Variants in PHKA1 observed in about 807,000 individuals in gnomAD.
The protein encoded by PHKA1 is phosphorylase b kinase regulatory subunit alpha, skeletal muscle isoform.
Under a neutral mutation model 110.2 loss-of-function variants are expected in PHKA1, and 60 were observed. That is an observed-to-expected ratio of 0.54 (90% CI 0.44 to 0.68). The LOEUF (loss-of-function observed/expected upper bound fraction) is 0.68. Ranked by LOEUF, PHKA1 falls within the 30% of genes least tolerant of loss-of-function variation. The pLI, the probability that PHKA1 is intolerant of heterozygous loss-of-function variation, is 0.00. For synonymous variants in PHKA1, 316 were observed against 333.6 expected, an observed-to-expected ratio of 0.95 and a Z score of 0.58; for missense variants, 801 against 942.5, an observed-to-expected ratio of 0.85 and a Z score of 1.97.
chrX:72,704,587 G>T (rs376260536), intron 3 of PHKA1, among the ~76,000 whole-genome samples: 11 of 110,494 alleles, frequency 1.0e-4, no homozygotes, highest in Admixed American at 3.9e-4. Flanking sequence ...GTGTGTGTGT[G>T]TGTGTGCATT....
chrX:72,655,292 A>G (rs1386893811), intron 10 of PHKA1, among the ~76,000 whole-genome samples: 2 of 111,747 alleles, frequency 1.8e-5, no homozygotes, highest in Non-Finnish European at 1.9e-5. Context: ...ATATGCCTAT[A>G]GTCCCAGTGA....
At chrX:72,658,209 C>T (rs1489493362) in intron 8 of PHKA1, among the ~76,000 whole-genome samples, 6 of 111,335 alleles carry the variant, frequency 5.4e-5, no homozygotes, top group Admixed American at 9.5e-5. Flanking sequence ...CCTGTAACCC[C>T]AGCACTTTGG....
rs797027929 is a variant in PHKA1, at chrX:72,598,977, T to C, written c.3072+3014A>G. On this transcript the variant is annotated intron_variant, in intron 28 of 31. Transcript: ENST00000373542. ...TGCCATTTAATTATCTTCATTGTCTTGTTTATACCACCAAGATCCTAGGCT... is the reference window on the plus strand; with the variant it reads ...TGCCATTTAATTATCTTCATTGTCTCGTTTATACCACCAAGATCCTAGGCT... Among the ~76,000 whole-genome samples the C allele has an allele frequency of 2.7e-5, 3 of 111,404 alleles. No individual in the cohort carries two copies. The South Asian group carries it at 1.2e-3, about 43-fold the overall frequency.
At position 72,613,521 on chromosome X, in the gene PHKA1, T is replaced by C. The variant is rs139071808; in HGVS notation, c.2370-2337A>G. On this transcript the variant is annotated intron_variant, in intron 21 of 31. Transcript: ENST00000373542. The stretch of plus-strand genomic sequence containing the variant: ...TTTGTACTTAAAAATTTTTGAACCA[T>C]AGGAATATATCTATTCAATATATTA... Among the ~76,000 whole-genome samples the C allele has an allele frequency of 3.1e-3, 343 of 111,025 alleles. 1 individual carries two copies. The highest frequency in any genetic ancestry group is 0.011 in the African/African-American group (324 of 30,600).
rs1276996791 is a variant in PHKA1, at chrX:72,579,983, C to G, written c.*1019G>C. 9.0e-6 allele frequency: 1 copy of G among 111,558 alleles called. No individual in the cohort carries two copies. The highest frequency in any genetic ancestry group is 3.3e-5 in the African/African-American group (1 of 30,675). The allele number at this position is 111,558 out of a possible 1,213,427, so 9.2% of individuals were successfully genotyped here. A position where few individuals can be genotyped will look rare whatever the true frequency, so the allele number is the denominator to read the frequency against. On this transcript the variant is annotated 3_prime_UTR_variant, in exon 32 of 32. Coordinates refer to ENST00000373542, the MANE Select transcript of PHKA1 (RefSeq NM_002637.4). ...ATGAAAAGAATGCTAAGTAGAGCAC[C>G]TATAGACTGGACTGCTGTATTTATC...
intron 25 of PHKA1, 47 bp downstream of exon 25, chrX:72,605,224 T>G (rs1482289189): frequency 2.7e-6 from 3 of 1,103,324 alleles, no homozygotes; most frequent in Non-Finnish European, 2.5e-6. Context: ...CTCTATAAAC[T>G]TACATCAAAA....
rs1556335355 is a variant in PHKA1, at chrX:72,712,899, C to T, written c.117G>A (p.Gln39=). ...CATTATCTCGGACCCAAGCATCTTT[C>T]TGATCATAGCTGGCTGGAAGCAAGC... is the stretch of plus-strand genomic sequence containing the variant. ...VTGLLPASYD[Q]KDAWVRDNVY... is the part of the protein sequence containing the mutation. Residue 39 remains glutamine (Q), a synonymous_variant, in exon 2 of 32, where the codon CAG becomes CAA. Coordinates refer to ENST00000373542, the MANE Select transcript of PHKA1 (RefSeq NM_002637.4). 8.3e-7 allele frequency: 1 copy of T among 1,211,533 alleles called. No homozygotes were observed. The highest frequency in any genetic ancestry group is 3.0e-5 in the East Asian group (1 of 33,829).
chrX:72,680,709 G>A (rs2053840509), intron 5 of PHKA1, among the ~76,000 whole-genome samples: 1 of 103,666 alleles, frequency 9.6e-6, no homozygotes. Flanking sequence ...GGCCCCAGCT[G>A]CAGATATGAA....
At position 72,676,131 on chromosome X, in the gene PHKA1, C is replaced by T. The variant is rs553900468; in HGVS notation, c.557G>A (p.Arg186His). The T allele has an allele frequency of 1.7e-6, 2 of 1,207,114 alleles. No homozygotes were observed. Among genetic ancestry groups the T allele is most frequent in the Non-Finnish European group, 1.1e-6 (1 of 891,776 alleles). Residue 186 changes from arginine to histidine, a missense_variant, in exon 6 of 32, where the codon CGT becomes CAT. Around this residue, in one of 2 missense-constraint regions of PHKA1, gnomAD observed 299 missense variants for 423.3 expected, o/e 0.71. Transcript: ENST00000373542. ...GATCCCTTGGTTGGTCTTGTCTCCA[C>T]GTTCCCATATCCCGAAGTCCTGGCA... ...YKTADFGIWE[R>H]GDKTNQGISE...
At chrX:72,711,947 T>C (rs1603277760) in intron 2 of PHKA1, 1 of 111,238 alleles carries the variant, frequency 9.0e-6, no homozygotes. Context: ...ATCAATATTC[T>C]GATTTATAGA....
chrX:72,688,385 C>A lies in PHKA1; in HGVS notation c.455-3805G>T, dbSNP rs185325810. 7.2e-4 allele frequency among the ~76,000 whole-genome samples: 81 copies of A among 112,092 alleles called. 1 individual carries two copies. Among genetic ancestry groups the A allele is most frequent in the African/African-American group, 2.2e-3 (68 of 30,884 alleles). On this transcript the variant is annotated intron_variant, in intron 4 of 31. Transcript: ENST00000373542. ...AGATGATAGTGACATGGGACATCAG[C>A]TTCATAGCTTTATCTTGTCATCTTT... is the stretch of plus-strand genomic sequence containing the variant.
chrX:72,668,444 A>G (rs2053639550), intron 6 of PHKA1, among the ~76,000 whole-genome samples: 1 of 112,362 alleles, frequency 8.9e-6, no homozygotes, highest in Non-Finnish European at 1.9e-5. Context: ...ACCTTCCTTA[A>G]TGCAAACAAT....
At chrX:72,663,066 T>C (rs1202201353) in intron 8 of PHKA1, among the ~76,000 whole-genome samples, 2 of 110,831 alleles carry the variant, frequency 1.8e-5, no homozygotes, top group African/African-American at 3.3e-5. Flanking sequence ...AAAGGAAATT[T>C]ATGAAATGTT....
rs141088097 is a variant in PHKA1, at chrX:72,704,262, T to G, written c.285+936A>C. On this transcript the variant is annotated intron_variant, in intron 3 of 31. Coordinates refer to ENST00000373542, the MANE Select transcript of PHKA1 (RefSeq NM_002637.4). ...CTCCAATCTTAAAATCTGAAACACTTTGAAAAGGCTTTTCCCCTAAATTTT... is the reference window on the plus strand; with the variant it reads ...CTCCAATCTTAAAATCTGAAACACTGTGAAAAGGCTTTTCCCCTAAATTTT... Among the ~76,000 whole-genome samples, 336 of 111,975 alleles carry G rather than the reference T, an allele frequency of 3.0e-3. 1 individual carries two copies. Among genetic ancestry groups the G allele is most frequent in the African/African-American group, 0.011 (326 of 30,859 alleles).
chrX:72,582,745 T>C, intron 30 of PHKA1, 147 bp from the exon 31 acceptor site: 1 of 509,952 alleles, frequency 2.0e-6, no homozygotes, highest in Admixed American at 2.8e-5. Flanking sequence ...ACTGCTTCAA[T>C]CTTTTTGGAG....
intron 8 of PHKA1, among the ~76,000 whole-genome samples, chrX:72,663,777 C>A (rs2053588128): frequency 1.9e-5 from 2 of 107,391 alleles, no homozygotes; most frequent in Non-Finnish European, 3.8e-5. Context: ...AACACTATAC[C>A]CAGAATTAGA....
At chrX:72,655,199 A>G (rs2053477876) in intron 10 of PHKA1, among the ~76,000 whole-genome samples, 1 of 112,467 alleles carries the variant, frequency 8.9e-6, no homozygotes, top group South Asian at 3.7e-4. Context: ...GCTTGAGCCC[A>G]GGAGTTTGAG....
At position 72,584,295 on chromosome X, in the gene PHKA1, C is replaced by T; in HGVS notation, c.3251G>A (p.Gly1084Glu). Reference protein sequence around the residue: ...KVWKVLQKCHGLSVEGFVLPS... With the variant: ...KVWKVLQKCHELSVEGFVLPS... ...AAGGACAAACCCTTCAACAGAAAGT[C>T]CGTGACACTGCAAAACAGAAAAAAA... The change falls in exon 30 of 32, where the codon GGA (glycine) becomes GAA (glutamate). Residue 1084 changes from glycine to glutamate, a missense_variant. By Grantham distance (98) the Gly-to-Glu change is moderately conservative (BLOSUM62 -2). This residue lies in a region of PHKA1 where 502 missense variants were observed against 519.2 expected (regional missense o/e 0.97). Coordinates refer to ENST00000373542, the MANE Select transcript of PHKA1 (RefSeq NM_002637.4). 2 of 1,207,644 alleles carry T rather than the reference C, an allele frequency of 1.7e-6. No individual in the cohort carries two copies. Among genetic ancestry groups the T allele is most frequent in the Non-Finnish European group, 2.2e-6 (2 of 892,022 alleles).
At chrX:72,671,721 A>G (rs1376635251) in intron 6 of PHKA1, among the ~76,000 whole-genome samples, 1 of 111,616 alleles carries the variant, frequency 9.0e-6, no homozygotes, top group Non-Finnish European at 1.9e-5. Flanking sequence ...ACAGCATGGT[A>G]CTGGTACCAA....
Sources: gnomAD v4.1 joint callset for allele counts (sites outside exome capture counted in the v4.1 genomes callset) on GRCh38, gnomAD v4.1.1 for gene constraint, gnomAD v4.1.1 regional missense constraint, MANE v1.5 for transcripts, NCBI Gene and HGNC (gene_info 2026-07-23, HGNC 2026-07-21) for gene names.